Variants in GABRG3 observed in about 807,000 individuals in gnomAD.
GABRG3 encodes gamma-aminobutyric acid type A receptor subunit gamma3.
A neutral mutation model predicts 48.8 loss-of-function variants in GABRG3; 25 were observed. The observed-to-expected ratio is 0.51, with a 90% CI of 0.37 to 0.72. The LOEUF is 0.72. Among genes scored for constraint, GABRG3 ranks in the 30% least tolerant of loss-of-function variants. GABRG3 has a pLI of 0.00. For synonymous variants in GABRG3, 227 were observed against 217.6 expected, an observed-to-expected ratio of 1.04 and a Z score of -0.38; for missense variants, 394 against 577.9, an observed-to-expected ratio of 0.68 and a Z score of 3.26.
At chr15:26,983,883 G>A (rs1050808983) in intron 2 of GABRG3, among the ~76,000 whole-genome samples, 3 of 152,166 alleles carry the variant, frequency 2.0e-5, no homozygotes, top group African/African-American at 7.2e-5. Context: ...TGTGAATCAC[G>A]TGCCGGGTAC....
chr15:27,135,324 G>A (rs1045595965), intron 3 of GABRG3, among the ~76,000 whole-genome samples: 1 of 152,166 alleles, frequency 6.6e-6, no homozygotes, highest in Non-Finnish European at 1.5e-5. Flanking sequence ...GTGTGGCCAG[G>A]TAGAGCTTCT....
intron 3 of GABRG3, among the ~76,000 whole-genome samples, chr15:27,321,014 C>T (rs1018429121): frequency 3.3e-5 from 5 of 152,210 alleles, no homozygotes; most frequent in African/African-American, 1.2e-4. Flanking sequence ...ACTAACCCTT[C>T]ACAACCTGCC....
chr15:27,390,034 C>T (rs1294631038), intron 5 of GABRG3, among the ~76,000 whole-genome samples: 4 of 152,062 alleles, frequency 2.6e-5, no homozygotes, highest in Admixed American at 6.5e-5. Flanking sequence ...AATATGGATG[C>T]CAGTGTTAAG....
chr15:27,276,594 C>T (rs902304064), intron 3 of GABRG3, among the ~76,000 whole-genome samples: 46 of 151,744 alleles, frequency 3.0e-4, no homozygotes, highest in African/African-American at 1.0e-3. Context: ...AAGGCTGGGC[C>T]GAGTTACTAA....
chr15:27,210,461 A>G (rs1190541728), intron 3 of GABRG3, among the ~76,000 whole-genome samples: 1 of 152,040 alleles, frequency 6.6e-6, no homozygotes, highest in Non-Finnish European at 1.5e-5. Context: ...TTCTCTTTCC[A>G]TCACACACGC....
intron 4 of GABRG3, among the ~76,000 whole-genome samples, chr15:27,327,913 CTCA>C (rs1328575111): frequency 6.6e-6 from 1 of 152,132 alleles, no homozygotes; most frequent in Non-Finnish European, 1.5e-5. Context: ...GCTGGCTTAG[CTCA>C]TCCATCCTGA....
At chr15:27,201,533 C>T (rs1490973448) in intron 3 of GABRG3, among the ~76,000 whole-genome samples, 1 of 151,706 alleles carries the variant, frequency 6.6e-6, no homozygotes, top group Non-Finnish European at 1.5e-5. Flanking sequence ...GGAGTGTGAG[C>T]TGAGGAGAAG....
intron 3 of GABRG3, among the ~76,000 whole-genome samples, chr15:27,187,982 G>GT (rs1245374943): frequency 6.7e-6 from 1 of 149,430 alleles, no homozygotes; most frequent in African/African-American, 2.5e-5. Context: ...GCGGTGTTTG[G>GT]TTTTTTGTTC....
intron 3 of GABRG3, among the ~76,000 whole-genome samples, chr15:27,047,923 A>C (rs745394481): frequency 1.6e-4 from 25 of 152,246 alleles, no homozygotes; most frequent in Admixed American, 3.9e-4. Context: ...AACCCAGATA[A>C]AAATTTAAAT....
intron 5 of GABRG3, among the ~76,000 whole-genome samples, chr15:27,412,665 G>A (rs547106364): frequency 1.3e-5 from 2 of 152,222 alleles, no homozygotes; most frequent in Admixed American, 6.5e-5. Flanking sequence ...GGAAGAGGCA[G>A]CGTGGTCTTA....
chr15:27,067,674 T>C (rs956483023), intron 3 of GABRG3, among the ~76,000 whole-genome samples: 4 of 152,308 alleles, frequency 2.6e-5, no homozygotes, highest in African/African-American at 9.6e-5. Context: ...GGCCCCGATT[T>C]TGGGGAGGCT....
intron 5 of GABRG3, among the ~76,000 whole-genome samples, chr15:27,351,473 TTGTATGGTGTG>T (rs1442810362): frequency 4.9e-5 from 7 of 141,896 alleles, no homozygotes; most frequent in South Asian, 4.5e-4. Flanking sequence ...GTGTGTATGT[TTGTATGGTGTG>T]TGTATGGTGT....
chr15:27,372,619 T>G (rs1895451827), intron 5 of GABRG3, among the ~76,000 whole-genome samples: 1 of 152,176 alleles, frequency 6.6e-6, no homozygotes, highest in South Asian at 2.1e-4. Context: ...CTCAAACTCC[T>G]GGTTTCAAGT....
Position 26,975,815 on chromosome 15 carries a change from G to A in GABRG3, c.54-1187G>A, listed in dbSNP as rs1894931427. Among the ~76,000 whole-genome samples, 1 of 152,156 alleles carries A rather than the reference G, an allele frequency of 6.6e-6. No individual in the cohort carries two copies. The highest frequency in any genetic ancestry group is 1.5e-5 in the Non-Finnish European group (1 of 68,036). On this transcript the variant is annotated intron_variant, in intron 1 of 9. Coordinates refer to ENST00000615808, the MANE Select transcript of GABRG3 (RefSeq NM_033223.5). This position sits in a 1 kb window ranked among gnomAD's most constrained non-coding sequence, Gnocchi z 4.6. Reference sequence around the variant, plus strand: ...ACAGAAAAGAGTTCATATACAGTCAGGACAAATCCGCTTCCGTGCAGTTTT... The same window carrying A: ...ACAGAAAAGAGTTCATATACAGTCAAGACAAATCCGCTTCCGTGCAGTTTT...
At chr15:27,290,632 A>T (rs1891765104) in intron 3 of GABRG3, among the ~76,000 whole-genome samples, 1 of 151,980 alleles carries the variant, frequency 6.6e-6, no homozygotes, top group Admixed American at 6.5e-5. Context: ...ACATTCTACA[A>T]AAGTCCTGAC....
At chr15:27,472,198 T>A (rs1889807375) in intron 5 of GABRG3, among the ~76,000 whole-genome samples, 1 of 152,174 alleles carries the variant, frequency 6.6e-6, no homozygotes, top group African/African-American at 2.4e-5. Context: ...TATTTTATGA[T>A]AATTTAGGAA....
rs528190880 is a variant in GABRG3, at chr15:27,529,356, A to G, written c.1122+1364A>G. 1.0e-3 allele frequency among the ~76,000 whole-genome samples: 154 copies of G among 152,322 alleles called. 1 individual carries two copies. The highest frequency in any genetic ancestry group is 3.5e-3 in the African/African-American group (146 of 41,576). ...TAAATTAATGATGTGAACAACTTTT[A>G]TCATATAACAACTTTTATTTACAAT... On this transcript the variant is annotated intron_variant, in intron 9 of 9. Transcript: ENST00000615808.
At chr15:27,415,799 G>A (rs1887923772) in intron 5 of GABRG3, among the ~76,000 whole-genome samples, 1 of 152,206 alleles carries the variant, frequency 6.6e-6, no homozygotes, top group African/African-American at 2.4e-5. Flanking sequence ...GATTAAGCTG[G>A]AAGTGGGGCC....
rs139460756 is a variant in GABRG3, at chr15:27,103,348, G to A, written c.270+76527G>A. 3.8e-4 allele frequency among the ~76,000 whole-genome samples: 58 copies of A among 152,228 alleles called. No homozygotes were observed. The East Asian group carries it at 0.011, about 28-fold the overall frequency. ...GCTCACATGAAACACCACTCCCCAG[G>A]CACAGTTAAAGTAGGAGTGTCTGAA... On this transcript the variant is annotated intron_variant, in intron 3 of 9. Transcript: ENST00000615808.
Sources: gnomAD v4.1 joint callset for allele counts (sites outside exome capture counted in the v4.1 genomes callset) on GRCh38, gnomAD v4.1.1 for gene constraint, Gnocchi (gnomAD v3.1) non-coding constraint, MANE v1.5 for transcripts, NCBI Gene and HGNC (gene_info 2026-07-23, HGNC 2026-07-21) for gene names.